The following PPP1R12A variants were observed in gnomAD, a reference collection of about 807,000 sequenced individuals.
The protein encoded by PPP1R12A is protein phosphatase 1 regulatory subunit 12A, also known as myosin binding subunit.
A neutral mutation model predicts 139.6 loss-of-function variants in PPP1R12A; 19 were observed. The ratio of observed to expected loss-of-function variants is 0.14; its 90% CI spans 0.09 to 0.20. PPP1R12A has a LOEUF of 0.20. Ranked by LOEUF, PPP1R12A falls within the 10% of genes least tolerant of loss-of-function variation. The pLI is 1.00. For synonymous variants in PPP1R12A, 427 were observed against 420.6 expected, an observed-to-expected ratio of 1.02 and a Z score of -0.19; for missense variants, 925 against 1,211.5, an observed-to-expected ratio of 0.76 and a Z score of 3.51.
intron 1 of PPP1R12A, among the ~76,000 whole-genome samples, chr12:79,907,518 C>T (rs1480007269): frequency 5.3e-5 from 8 of 152,136 alleles, no homozygotes; most frequent in East Asian, 1.9e-4. Flanking sequence ...ACTTGATAAA[C>T]AGAGCAAGTG....
intron 2 of PPP1R12A, among the ~76,000 whole-genome samples, chr12:79,856,227 C>T (rs1013276852): frequency 1.3e-5 from 2 of 152,166 alleles, no homozygotes; most frequent in Non-Finnish European, 2.9e-5. Context: ...AAATCCTTTA[C>T]GTTGTAACCC....
intron 24 of PPP1R12A, chr12:79,777,000 T>G (rs541775820): frequency 3.8e-4 from 117 of 305,980 alleles, no homozygotes; most frequent in Middle Eastern, 3.3e-3. Context: ...TGTTCTTATC[T>G]GTGTTCAGAA....
At chr12:79,788,264 G>A (rs951236022) in intron 21 of PPP1R12A, 1 of 160,812 alleles carries the variant, frequency 6.2e-6, no homozygotes, top group Admixed American at 6.1e-5. Flanking sequence ...AATAGCACTT[G>A]AGCTGCCCCA....
intron 19 of PPP1R12A, among the ~76,000 whole-genome samples, chr12:79,791,447 C>A (rs2137008515): frequency 6.6e-6 from 1 of 152,278 alleles, no homozygotes; most frequent in South Asian, 2.1e-4. Context: ...CTGCCTCAGC[C>A]TCCTAGTTAG....
intron 1 of PPP1R12A, among the ~76,000 whole-genome samples, chr12:79,918,063 T>C (rs1887140819): frequency 6.6e-6 from 1 of 152,096 alleles, no homozygotes; most frequent in Non-Finnish European, 1.5e-5. Flanking sequence ...AAAGTAAATT[T>C]GGCTTTACTT....
At chr12:79,845,836 T>G (rs1050237417) in intron 2 of PPP1R12A, among the ~76,000 whole-genome samples, 3 of 27,812 alleles carry the variant, frequency 1.1e-4, no homozygotes, top group African/African-American at 2.0e-4. Flanking sequence ...ATGTTTCTTT[T>G]TTAAATTTAT....
At chr12:79,900,421 G>C (rs1396681720) in intron 1 of PPP1R12A, among the ~76,000 whole-genome samples, 2 of 152,066 alleles carry the variant, frequency 1.3e-5, no homozygotes, top group Non-Finnish European at 2.9e-5. Flanking sequence ...ATGGATTCTA[G>C]GGTCCACCAC....
At chr12:79,824,885 A>G (rs895466900) in intron 5 of PPP1R12A, 1 of 152,166 alleles carries the variant, frequency 6.6e-6, no homozygotes, top group African/African-American at 2.4e-5. Flanking sequence ...AAATCAGTCC[A>G]ATACGTCTAT....
At chr12:79,798,641 T>C in intron 14 of PPP1R12A, 57 bp from the exon 15 acceptor site, 2 of 951,528 alleles carry the variant, frequency 2.1e-6, no homozygotes, top group Non-Finnish European at 3.1e-6. Context: ...TGAATGTAAA[T>C]ATCTATCAAT....
rs573550600 is a variant in PPP1R12A at position 79,866,668 on chromosome 12, A to C, written c.368+6140T>G. Among the ~76,000 whole-genome samples, 3 of 152,384 alleles carry C rather than the reference A, an allele frequency of 2.0e-5. No individual in the cohort carries two copies. In the South Asian group the frequency reaches 6.2e-4, roughly 32 times the overall value. Reference sequence around the variant, plus strand: ...CAAAAAATGGGCAAAGGATATGAACAGCCACTTCTCAAAAGAAGACATTTA... The same window carrying C: ...CAAAAAATGGGCAAAGGATATGAACCGCCACTTCTCAAAAGAAGACATTTA... On this transcript the variant is annotated intron_variant, in intron 2 of 24. Coordinates refer to ENST00000450142, the MANE Select transcript of PPP1R12A (RefSeq NM_002480.3).
At chr12:79,787,539 T>C (rs1434039433) in intron 21 of PPP1R12A, 2 of 152,218 alleles carry the variant, frequency 1.3e-5, no homozygotes, top group African/African-American at 4.8e-5. Context: ...AGATAACAGT[T>C]TTCCTCTTGT....
intron 2 of PPP1R12A, among the ~76,000 whole-genome samples, chr12:79,853,895 G>A (rs1880332500): frequency 6.6e-6 from 1 of 152,130 alleles, no homozygotes; most frequent in African/African-American, 2.4e-5. Context: ...TAAAATCAAT[G>A]ACTTTGTATA....
chr12:79,882,164 C>T (rs970879283), intron 1 of PPP1R12A, among the ~76,000 whole-genome samples: 2 of 152,132 alleles, frequency 1.3e-5, no homozygotes, highest in Admixed American at 6.5e-5. Flanking sequence ...TTCATGTCTT[C>T]GTATTTAAAA....
At position 79,774,387 on chromosome 12, in the gene PPP1R12A, C is replaced by A. The variant is rs943042471; in HGVS notation, c.*1542G>T. On this transcript the variant is annotated 3_prime_UTR_variant, in exon 25 of 25. Coordinates refer to ENST00000450142, the MANE Select transcript of PPP1R12A (RefSeq NM_002480.3). The stretch of plus-strand genomic sequence containing the variant: ...TAAAATAGGCAGTAGAACACAATGA[C>A]CTTTTAAAATGAAGGGGTACAAATT... 6.6e-6 allele frequency: 1 copy of A among 152,548 alleles called. No homozygotes were observed. Among genetic ancestry groups the A allele is most frequent in the African/African-American group, 2.4e-5 (1 of 41,514 alleles). The allele number at this position is 152,548 out of a possible 1,614,324, so 9.4% of individuals were successfully genotyped here. A position where few individuals can be genotyped will look rare whatever the true frequency, so the allele number is the denominator to read the frequency against.
In PPP1R12A at chr12:79,822,154, A is replaced by C; in HGVS notation, c.829T>G (p.Leu277Val). ...TAFDVADEDI[L>V]GYLEELQKKQ... Reference sequence around the variant, plus strand: ...TTTTGCAACTCTTCTAAATATCCTAAAATGTCTTCATCTGCTACATCAAAG... The same window carrying C: ...TTTTGCAACTCTTCTAAATATCCTACAATGTCTTCATCTGCTACATCAAAG... The change falls in exon 6 of 25, where the codon TTA becomes GTA. Residue 277 changes from leucine (L) to valine (V), a missense_variant. This residue lies in a region of PPP1R12A where 403 missense variants were observed against 463.7 expected (regional missense o/e 0.87). Transcript: ENST00000450142. The C allele has an allele frequency of 6.3e-7, 1 of 1,590,314 alleles. No homozygotes were observed. Among genetic ancestry groups the C allele is most frequent in the South Asian group, 1.1e-5 (1 of 87,592 alleles).
At chr12:79,821,290 ATAAAT>A in intron 6 of PPP1R12A, 124 bp from the exon 7 acceptor site, 2 of 648,764 alleles carry the variant, frequency 3.1e-6, no homozygotes, top group Non-Finnish European at 5.1e-6. Flanking sequence ...AAAGAAATAA[ATAAAT>A]TAAGTTTTAC....
intron 1 of PPP1R12A, among the ~76,000 whole-genome samples, chr12:79,901,089 C>G (rs1188645328): frequency 6.6e-6 from 1 of 152,012 alleles, no homozygotes; most frequent in East Asian, 1.9e-4. Context: ...ATTACAGAAC[C>G]GTTACAGAAA....
intron 1 of PPP1R12A, among the ~76,000 whole-genome samples, chr12:79,907,046 T>A (rs1312350399): frequency 6.6e-6 from 1 of 152,156 alleles, no homozygotes; most frequent in African/African-American, 2.4e-5. Flanking sequence ...TGTACTTCAT[T>A]AATATATAAA....
At chr12:79,933,534 A>C (rs1888408526) in intron 1 of PPP1R12A, among the ~76,000 whole-genome samples, 1 of 152,248 alleles carries the variant, frequency 6.6e-6, no homozygotes, top group Non-Finnish European at 1.5e-5. Flanking sequence ...GATAGCTTAC[A>C]AGTCTTTTCA....
Sources: allele counts gnomAD v4.1 joint callset (sites outside exome capture counted in the v4.1 genomes callset), GRCh38; gene constraint gnomAD v4.1.1; regional missense constraint gnomAD v4.1.1; transcripts MANE v1.5; gene names NCBI Gene and HGNC (gene_info 2026-07-23, HGNC 2026-07-21).